The following TTLL7 variants were observed in gnomAD, a reference collection of about 807,000 sequenced individuals.
The protein encoded by TTLL7 is tubulin tyrosine ligase like 7.
Under a neutral mutation model 120.2 loss-of-function variants are expected in TTLL7, and 53 were observed. The ratio of observed to expected loss-of-function variants is 0.44; its 90% CI spans 0.35 to 0.55. The LOEUF is 0.55. Among genes scored for constraint, TTLL7 ranks in the 20% least tolerant of loss-of-function variants. The pLI is 0.00. For missense variants in TTLL7, 803 were observed against 1,054.7 expected, an observed-to-expected ratio of 0.76 and a Z score of 3.31; for synonymous variants, 353 against 351.7, an observed-to-expected ratio of 1.00 and a Z score of -0.04.
chr1:83,967,550 A>G (rs550392253), intron 1 of TTLL7, among the ~76,000 whole-genome samples: 1 of 152,218 alleles, frequency 6.6e-6, no homozygotes, highest in African/African-American at 2.4e-5. Flanking sequence ...TGACTGACTC[A>G]GGAATGAGCT....
chr1:83,892,971 G>A, intron 18 of TTLL7, among the ~76,000 whole-genome samples: 1 of 142,598 alleles, frequency 7.0e-6, no homozygotes, highest in Admixed American at 7.1e-5. Flanking sequence ...AAGAAAGAAA[G>A]AGAAAAAAGA....
chr1:83,905,624 G>T (rs191973820), intron 17 of TTLL7, among the ~76,000 whole-genome samples: 1 of 150,626 alleles, frequency 6.6e-6, no homozygotes, highest in Non-Finnish European at 1.5e-5. Flanking sequence ...TATACATATG[G>T]CCCCCAAAAA....
chr1:83,963,076 T>G (rs561465514), intron 1 of TTLL7, among the ~76,000 whole-genome samples: 2 of 152,150 alleles, frequency 1.3e-5, no homozygotes. Context: ...CCTATTTTCT[T>G]GTAACCATAA....
chr1:83,916,671 A>G (rs1658218462), intron 14 of TTLL7, among the ~76,000 whole-genome samples: 1 of 152,052 alleles, frequency 6.6e-6, no homozygotes, highest in African/African-American at 2.4e-5. Flanking sequence ...ATAGAAGACA[A>G]AGTGGCTAAG....
intron 20 of TTLL7, among the ~76,000 whole-genome samples, chr1:83,874,619 C>T (rs1399041864): frequency 1.3e-5 from 2 of 152,036 alleles, no homozygotes; most frequent in African/African-American, 4.8e-5. Context: ...AACTTCTCCA[C>T]ATCCACATCC....
At chr1:83,895,332 T>TA (rs1003381794) in intron 18 of TTLL7, among the ~76,000 whole-genome samples, 2 of 151,986 alleles carry the variant, frequency 1.3e-5, no homozygotes, top group African/African-American at 2.4e-5. Context: ...GTAGACAAGG[T>TA]AAAAAATCAT....
Position 83,868,643 on chromosome 1 carries a change from C to A in TTLL7, c.*1319G>T, listed in dbSNP as rs534844709. The stretch of plus-strand genomic sequence containing the variant: ...ATTTGCAATATAAGTTGATTTCAAC[C>A]TTGAGAGATTTATAAAAATAAGTTT... On this transcript the variant is annotated 3_prime_UTR_variant, in exon 21 of 21. Transcript: ENST00000260505. 7.9e-5 allele frequency: 12 copies of A among 152,074 alleles called. No homozygotes were observed. Among genetic ancestry groups the A allele is most frequent in the Non-Finnish European group, 1.8e-4 (12 of 68,010 alleles). 9.4% of individuals were successfully genotyped at this position (152,074 alleles called of 1,614,324 possible).
Position 83,938,003 on chromosome 1 carries a change from A to G in TTLL7, c.737T>C (p.Met246Thr). Reference sequence around the variant, plus strand: ...GTTCACGGAGTAGTTTGTCAGATGCATGTATAACTGGGTCTGTAACAAGTA... The same window carrying G: ...GTTCACGGAGTAGTTTGTCAGATGCGTGTATAACTGGGTCTGTAACAAGTA... Reference protein sequence around the residue: ...PNESNLTQLYMHLTNYSVNKH... With the variant: ...PNESNLTQLYTHLTNYSVNKH... Residue 246 changes from methionine (M) to threonine (T), a missense_variant, in exon 8 of 21, where the codon ATG (methionine) becomes ACG (threonine). Around this residue, in one of 3 missense-constraint regions of TTLL7, gnomAD observed 324 missense variants for 507.7 expected, o/e 0.64. Coordinates refer to ENST00000260505, the MANE Select transcript of TTLL7 (RefSeq NM_024686.6). 2 of 1,614,018 alleles carry G rather than the reference A, an allele frequency of 1.2e-6. No homozygotes were observed. The highest frequency in any genetic ancestry group is 1.7e-6 in the Non-Finnish European group (2 of 1,179,910).
chr1:83,956,449 C>T (rs1232699702), intron 1 of TTLL7, among the ~76,000 whole-genome samples: 6 of 136,844 alleles, frequency 4.4e-5, no homozygotes, highest in Non-Finnish European at 7.8e-5. Flanking sequence ...TTTTTTGACA[C>T]GAAGTTTTGC....
intron 1 of TTLL7, among the ~76,000 whole-genome samples, chr1:83,973,345 G>A (rs1651163710): frequency 6.6e-6 from 1 of 152,038 alleles, no homozygotes; most frequent in Non-Finnish European, 1.5e-5. Context: ...CCATTGTATT[G>A]CCTTTGCATC....
chr1:83,953,720 T>G (rs1375180664), intron 1 of TTLL7, among the ~76,000 whole-genome samples: 1 of 152,110 alleles, frequency 6.6e-6, no homozygotes, highest in Non-Finnish European at 1.5e-5. Context: ...GTTAAACAAA[T>G]CAAGGTAACA....
At chr1:83,911,073 G>A in intron 15 of TTLL7, 92 bp downstream of exon 15, 1 of 1,028,806 alleles carries the variant, frequency 9.7e-7, no homozygotes, top group Non-Finnish European at 1.5e-6. Flanking sequence ...CACACAACAG[G>A]GTTCATTTGG....
At chr1:83,900,995 T>C (rs1656673508) in intron 18 of TTLL7, among the ~76,000 whole-genome samples, 1 of 151,994 alleles carries the variant, frequency 6.6e-6, no homozygotes, top group South Asian at 2.1e-4. Flanking sequence ...AATCCATAAG[T>C]TGTCTTTTCA....
intron 10 of TTLL7, among the ~76,000 whole-genome samples, chr1:83,926,787 C>G (rs903429609): frequency 1.3e-5 from 2 of 152,050 alleles, no homozygotes; most frequent in African/African-American, 4.8e-5. Context: ...ATTTCAGACC[C>G]AAGGATTCAT....
chr1:83,993,779 T>A (rs544672165), intron 1 of TTLL7, among the ~76,000 whole-genome samples: 1 of 152,206 alleles, frequency 6.6e-6, no homozygotes, highest in Non-Finnish European at 1.5e-5. Flanking sequence ...AATTTACTTA[T>A]CACTCACCAT....
intron 4 of TTLL7, chr1:83,949,310 G>A: frequency 7.3e-6 from 1 of 136,802 alleles, no homozygotes; most frequent in African/African-American, 2.6e-5. Flanking sequence ...TGTTTTTTTT[G>A]TTTTGTTTTT....
At chr1:83,878,646 C>G (rs1654170231) in intron 20 of TTLL7, among the ~76,000 whole-genome samples, 1 of 151,944 alleles carries the variant, frequency 6.6e-6, no homozygotes. Flanking sequence ...TCATCAGAGG[C>G]AGGATTTATC....
At chr1:83,950,690 A>G (rs918372811) in intron 3 of TTLL7, among the ~76,000 whole-genome samples, 6 of 152,288 alleles carry the variant, frequency 3.9e-5, no homozygotes, top group Admixed American at 2.6e-4. Context: ...AGAAGACTTC[A>G]GGTAATTTTT....
chr1:83,877,409 C>T (rs1334674061), intron 20 of TTLL7, among the ~76,000 whole-genome samples: 2 of 151,876 alleles, frequency 1.3e-5, no homozygotes, highest in East Asian at 1.9e-4. Context: ...GAAGAGTGTT[C>T]GCTCCTTTGC....
Sources: gnomAD v4.1 joint callset for allele counts (sites outside exome capture counted in the v4.1 genomes callset) on GRCh38, gnomAD v4.1.1 for gene constraint, gnomAD v4.1.1 regional missense constraint, MANE v1.5 for transcripts, NCBI Gene and HGNC (gene_info 2026-07-23, HGNC 2026-07-21) for gene names.